Variants in CFAP61 observed in about 807,000 individuals in gnomAD.
CFAP61 encodes cilia- and flagella-associated protein 61.
A neutral mutation model predicts 135.6 loss-of-function variants in CFAP61; 107 were observed. The ratio of observed to expected loss-of-function variants is 0.79; its 90% CI spans 0.67 to 0.93. CFAP61 has a LOEUF of 0.93. Among genes scored for constraint, CFAP61 ranks in the 40% least tolerant of loss-of-function variants. The pLI is 0.00. For missense variants in CFAP61, 1,507 were observed against 1,556.2 expected, an observed-to-expected ratio of 0.97 and a Z score of 0.53; for synonymous variants, 575 against 578.5, an observed-to-expected ratio of 0.99 and a Z score of 0.09.
chr20:20,158,233 A>G (rs1240701153), intron 9 of CFAP61, among the ~76,000 whole-genome samples: 3 of 151,952 alleles, frequency 2.0e-5, no homozygotes, highest in African/African-American at 7.3e-5. Context: ...CTAAAACTTA[A>G]AGTATATTAA....
chr20:20,130,090 C>A lies in CFAP61; in HGVS notation c.860-12767C>A, dbSNP rs1297021948. Among the ~76,000 whole-genome samples, 4 of 151,528 alleles carry A rather than the reference C, an allele frequency of 2.6e-5. 1 individual carries two copies. Among genetic ancestry groups the A allele is most frequent in the African/African-American group, 7.3e-5 (3 of 40,886 alleles). On this transcript the variant is annotated intron_variant, in intron 8 of 26. Transcript: ENST00000245957. Reference sequence around the variant, plus strand: ...AGATCATGAGGTCAGGAGTTTGAGACCAGCCTGGCCAACATGGTGAAACCC... The same window carrying A: ...AGATCATGAGGTCAGGAGTTTGAGAACAGCCTGGCCAACATGGTGAAACCC...
chr20:20,052,728 A>T, intron 1 of CFAP61, 137 bp downstream of exon 1: 2 of 1,599,306 alleles, frequency 1.3e-6, no homozygotes, highest in Non-Finnish European at 1.7e-6. Context: ...GCGCCCTGCA[A>T]GGGAGTAAGA....
intron 22 of CFAP61, among the ~76,000 whole-genome samples, chr20:20,287,384 C>T (rs2054662849): frequency 6.6e-6 from 1 of 152,214 alleles, no homozygotes; most frequent in South Asian, 2.1e-4. Flanking sequence ...ATCTGCACTG[C>T]CCAATATGGC....
chr20:20,189,043 C>T (rs2055718141), intron 14 of CFAP61, among the ~76,000 whole-genome samples: 1 of 152,194 alleles, frequency 6.6e-6, no homozygotes, highest in Non-Finnish European at 1.5e-5. Context: ...TATTTCATGG[C>T]ATGAATATAC....
rs368267166 is a variant in CFAP61, at chr20:20,173,431, G to A, written c.1385+3971G>A. ...AGAGTTCCCGCTGCTACACACCCTT[G>A]CCAGCATTTGGTGTCATCAGTGTTT... On this transcript the variant is annotated intron_variant, in intron 13 of 26. Transcript: ENST00000245957. Among the ~76,000 whole-genome samples, 4 of 152,272 alleles carry A rather than the reference G, an allele frequency of 2.6e-5. 1 individual carries two copies. The highest frequency in any genetic ancestry group is 7.2e-5 in the African/African-American group (3 of 41,558).
chr20:20,303,187 C>T (rs6112855), intron 25 of CFAP61, among the ~76,000 whole-genome samples: 29,770 of 151,926 alleles, frequency 0.2, 3,777 homozygotes, highest in African/African-American at 0.34. Flanking sequence ...TAAGACTTTC[C>T]GGAAAAAAAA....
intron 8 of CFAP61, among the ~76,000 whole-genome samples, chr20:20,132,004 T>A (rs962866439): frequency 6.6e-6 from 1 of 152,110 alleles, no homozygotes; most frequent in Non-Finnish European, 1.5e-5. Flanking sequence ...TAGGTAGATG[T>A]TGTACAGCAG....
intron 6 of CFAP61, among the ~76,000 whole-genome samples, chr20:20,086,195 T>G (rs1408785500): frequency 2.0e-5 from 3 of 151,924 alleles, no homozygotes; most frequent in Non-Finnish European, 4.4e-5. Context: ...CTTTAAGTTT[T>G]AGGGTACATG....
In CFAP61 at chr20:20,312,080, T is replaced by C. The variant is rs866293770; in HGVS notation, c.3422+13694T>C. On this transcript the variant is annotated intron_variant, in intron 25 of 26. Transcript: ENST00000245957. ...ACAAGTTTAAGAGTGTTTATAGGAA[T>C]ACTGAAAATTTCCACACCTAACAAA... 3.3e-5 allele frequency among the ~76,000 whole-genome samples: 5 copies of C among 152,310 alleles called. No individual in the cohort carries two copies. In the Middle Eastern group the frequency reaches 0.01, roughly 311 times the overall value.
chr20:20,336,023 G>A (rs532381879), intron 25 of CFAP61, among the ~76,000 whole-genome samples: 1 of 152,172 alleles, frequency 6.6e-6, no homozygotes, highest in Non-Finnish European at 1.5e-5. Context: ...CCACTTTCTA[G>A]GATTAGAATT....
At chr20:20,294,451 C>T (rs1035947034) in intron 24 of CFAP61, among the ~76,000 whole-genome samples, 5 of 152,178 alleles carry the variant, frequency 3.3e-5, no homozygotes, top group African/African-American at 1.2e-4. Context: ...AAATCTCCTT[C>T]AAATGGACAC....
chr20:20,217,520 A>T (rs1198631750), intron 17 of CFAP61, among the ~76,000 whole-genome samples: 1 of 152,236 alleles, frequency 6.6e-6, no homozygotes, highest in African/African-American at 2.4e-5. Flanking sequence ...GAAAAGTTGT[A>T]TCTGTGGAAC....
intron 13 of CFAP61, among the ~76,000 whole-genome samples, chr20:20,178,324 A>G (rs1317313382): frequency 3.3e-5 from 5 of 152,216 alleles, no homozygotes; most frequent in Admixed American, 2.6e-4. Flanking sequence ...CCTCTAAGAC[A>G]CTTCCAAACT....
chr20:20,195,254 C>T lies in CFAP61; in HGVS notation c.1591-1316C>T, dbSNP rs6035577. 5.5e-3 allele frequency among the ~76,000 whole-genome samples: 831 copies of T among 152,320 alleles called. 10 individuals carry two copies. The highest frequency in any genetic ancestry group is 0.018 in the African/African-American group (742 of 41,566). On this transcript the variant is annotated intron_variant, in intron 15 of 26. Coordinates refer to ENST00000245957, the MANE Select transcript of CFAP61 (RefSeq NM_015585.4). ...AGATGCCACAGTTTTCATGGATTTG[C>T]TGGTGCCAGCCTTGCTGATCACAGA...
At chr20:20,303,296 A>T (rs1369855715) in intron 25 of CFAP61, among the ~76,000 whole-genome samples, 1 of 152,208 alleles carries the variant, frequency 6.6e-6, no homozygotes, top group Non-Finnish European at 1.5e-5. Context: ...AGACTACTAC[A>T]GGGAGTGCCG....
intron 6 of CFAP61, among the ~76,000 whole-genome samples, chr20:20,080,391 A>G (rs1219757041): frequency 6.6e-6 from 1 of 152,184 alleles, no homozygotes; most frequent in African/African-American, 2.4e-5. Context: ...TAGCTCTAAT[A>G]CAATTCATTT....
chr20:20,242,991 T>C (rs1402707039), intron 18 of CFAP61, among the ~76,000 whole-genome samples: 1 of 152,230 alleles, frequency 6.6e-6, no homozygotes, highest in African/African-American at 2.4e-5. Flanking sequence ...GCTATATGGT[T>C]GTATTAGTCT....
intron 25 of CFAP61, among the ~76,000 whole-genome samples, chr20:20,325,124 A>C (rs2057694327): frequency 6.6e-6 from 1 of 152,122 alleles, no homozygotes; most frequent in South Asian, 2.1e-4. Context: ...GAAAGTACAG[A>C]GCTCCCACAT....
At chr20:20,207,316 A>G (rs1299397967) in intron 17 of CFAP61, among the ~76,000 whole-genome samples, 5 of 152,218 alleles carry the variant, frequency 3.3e-5, no homozygotes, top group Non-Finnish European at 7.3e-5. Flanking sequence ...CACTGCTTCC[A>G]ACAGAAAAGA....
Sources: allele counts gnomAD v4.1 joint callset (sites outside exome capture counted in the v4.1 genomes callset), GRCh38; gene constraint gnomAD v4.1.1; transcripts MANE v1.5; gene names NCBI Gene and HGNC (gene_info 2026-07-23, HGNC 2026-07-21).